Variants in DAPK2 observed in about 807,000 individuals in gnomAD.
The protein encoded by DAPK2 is death associated protein kinase 2.
A neutral mutation model predicts 44.1 loss-of-function variants in DAPK2; 35 were observed. The observed-to-expected ratio is 0.79, with a 90% CI of 0.61 to 1.05. DAPK2 has a LOEUF of 1.05. Among genes scored for constraint, DAPK2 ranks in the 50% least tolerant of loss-of-function variants. The pLI is 0.00. For missense variants in DAPK2, 453 were observed against 483.2 expected (o/e 0.94, Z 0.59); for synonymous variants, 174 against 182.6 (o/e 0.95, Z 0.38).
intron 1 of DAPK2, among the ~76,000 whole-genome samples, chr15:64,009,168 C>T (rs1485883238): frequency 1.3e-5 from 2 of 152,078 alleles, no homozygotes; most frequent in African/African-American, 4.8e-5. Flanking sequence ...CAGCCTTGTA[C>T]CCCCAGGCAC....
intron 8 of DAPK2, chr15:63,918,353 C>T (rs2078984234): frequency 6.6e-6 from 1 of 152,394 alleles, no homozygotes; most frequent in South Asian, 2.1e-4. Flanking sequence ...CAAACCATCA[C>T]CCCACCTTCT....
intron 5 of DAPK2, 131 bp from the exon 7 acceptor site, chr15:63,929,708 C>T: frequency 1.9e-6 from 2 of 1,026,454 alleles, no homozygotes; most frequent in Non-Finnish European, 1.5e-6. Context: ...CCGTCTCATG[C>T]TCCACACCCA....
intron 1 of DAPK2, among the ~76,000 whole-genome samples, chr15:64,034,974 C>A (rs1391361096): frequency 6.6e-6 from 1 of 152,102 alleles, no homozygotes; most frequent in Non-Finnish European, 1.5e-5. Context: ...TTGAGATGAA[C>A]CTGGCCAACA....
At chr15:63,930,382 C>T in intron 5 of DAPK2, 25 bp downstream of exon 6, 1 of 1,613,562 alleles carries the variant, frequency 6.2e-7, no homozygotes, top group Non-Finnish European at 8.5e-7. Context: ...ATCGCTAGGT[C>T]ACCTGAGTGG....
chr15:63,926,234 C>A, intron 6 of DAPK2, 141 bp from the exon 8 acceptor site: 1 of 825,768 alleles, frequency 1.2e-6, no homozygotes, highest in East Asian at 2.6e-5. Flanking sequence ...TCTGGGCAGC[C>A]AACCAGCAGC....
chr15:64,023,139 A>G lies in DAPK2; in HGVS notation c.92+17031T>C, dbSNP rs145648582. The stretch of plus-strand genomic sequence containing the variant: ...TTCTCTTTGTCAAGGGGCGATGTGG[A>G]GGAGGGTGGAAGCTGACTCTAAGGC... On this transcript the variant is annotated intron_variant, in intron 1 of 10. Coordinates refer to ENST00000261891, the Ensembl canonical transcript of DAPK2. 2.1e-3 allele frequency among the ~76,000 whole-genome samples: 325 copies of G among 152,264 alleles called. 1 individual carries two copies. The highest frequency in any genetic ancestry group is 7.4e-3 in the African/African-American group (309 of 41,532).
At chr15:63,958,839 TC>T (rs1228835704) in intron 3 of DAPK2, among the ~76,000 whole-genome samples, 1 of 152,208 alleles carries the variant, frequency 6.6e-6, no homozygotes, top group Non-Finnish European at 1.5e-5. Context: ...CAATGTGGGG[TC>T]TTTTTTGGTT....
At chr15:64,027,018 C>T (rs2079866612) in intron 1 of DAPK2, among the ~76,000 whole-genome samples, 3 of 152,080 alleles carry the variant, frequency 2.0e-5, no homozygotes, top group African/African-American at 7.2e-5. Context: ...CCAAGGCAGG[C>T]AGATCACTTG....
chr15:63,933,301 T>G (rs569452187), intron 4 of DAPK2, among the ~76,000 whole-genome samples: 50 of 152,362 alleles, frequency 3.3e-4, no homozygotes, highest in Admixed American at 7.8e-4. Context: ...TGGAGTGCAA[T>G]GATGTGATCT....
At chr15:64,027,604 G>A (rs1455021458) in intron 1 of DAPK2, among the ~76,000 whole-genome samples, 1 of 152,026 alleles carries the variant, frequency 6.6e-6, no homozygotes, top group Non-Finnish European at 1.5e-5. Flanking sequence ...CAAACACCAC[G>A]AAGAAAAGTA....
chr15:64,007,692 G>A (rs1188194554), intron 1 of DAPK2, among the ~76,000 whole-genome samples: 1 of 152,104 alleles, frequency 6.6e-6, no homozygotes, highest in Non-Finnish European at 1.5e-5. Context: ...GACTTTTTTG[G>A]CACATCAAAT....
At chr15:63,909,876 A>C (rs1247573303) in intron 10 of DAPK2, 2 of 152,158 alleles carry the variant, frequency 1.3e-5, no homozygotes, top group African/African-American at 4.8e-5. Flanking sequence ...GTCAGGGAAG[A>C]AGGGCCAGCG....
chr15:63,947,119 A>G (rs140472295), intron 3 of DAPK2, among the ~76,000 whole-genome samples: 4,286 of 150,032 alleles, frequency 0.029, 93 homozygotes, highest in South Asian at 0.094. Flanking sequence ...CCTCTTCATC[A>G]CCCCATCCCA....
At chr15:63,960,001 G>C (rs1358874087) in intron 3 of DAPK2, among the ~76,000 whole-genome samples, 1 of 152,118 alleles carries the variant, frequency 6.6e-6, no homozygotes, top group African/African-American at 2.4e-5. Flanking sequence ...TTTTTGGTTG[G>C]TAGGCTATTA....
intron 1 of DAPK2, among the ~76,000 whole-genome samples, chr15:64,016,847 GGAAGGAA>G (rs2079543173): frequency 2.4e-4 from 2 of 8,436 alleles, no homozygotes; most frequent in Admixed American, 4.4e-3. Context: ...AGGGAAGGAA[GGAAGGAA>G]GGAAGGAAGG....
chr15:63,942,105 G>T, intron 3 of DAPK2: 1 of 621,736 alleles, frequency 1.6e-6, no homozygotes, highest in Non-Finnish European at 2.0e-6. Flanking sequence ...GTGGGAGCCA[G>T]ACCTGGTGAT....
chr15:63,996,225 G>C (rs1340591148), intron 1 of DAPK2, among the ~76,000 whole-genome samples: 2 of 152,310 alleles, frequency 1.3e-5, no homozygotes, highest in Admixed American at 1.3e-4. Flanking sequence ...CTTGAGGCCA[G>C]GAGTTGAAGA....
At chr15:63,997,310 G>T (rs1211538957) in intron 1 of DAPK2, among the ~76,000 whole-genome samples, 1 of 152,150 alleles carries the variant, frequency 6.6e-6, no homozygotes, top group Non-Finnish European at 1.5e-5. Flanking sequence ...TTTGTCCTTT[G>T]TCTACCCCAG....
At chr15:63,957,493 C>G (rs1481049036) in intron 3 of DAPK2, among the ~76,000 whole-genome samples, 1 of 146,140 alleles carries the variant, frequency 6.8e-6, no homozygotes, top group Admixed American at 6.8e-5. Context: ...TCTCCTAATG[C>G]TATCCCTCCC....
Sources: allele counts gnomAD v4.1 joint callset (sites outside exome capture counted in the v4.1 genomes callset), GRCh38; gene constraint gnomAD v4.1.1; transcripts MANE v1.5; gene names NCBI Gene and HGNC (gene_info 2026-07-23, HGNC 2026-07-21).